The following OXCT1 variants were observed in gnomAD, a reference collection of about 807,000 sequenced individuals.
OXCT1 encodes the protein 3-oxoacid CoA-transferase 1.
OXCT1 carries 27 observed loss-of-function variants against 69.6 expected under a neutral mutation model. The ratio of observed to expected loss-of-function variants is 0.39; its 90% CI spans 0.29 to 0.54. The LOEUF (loss-of-function observed/expected upper bound fraction) is 0.54, where lower values mean the gene tolerates loss of function less well. OXCT1 is among the 20% of genes least tolerant of loss of function. The probability of loss-of-function intolerance (pLI) is 0.72; values close to 1 mark genes in which losing one functional copy is unlikely to be tolerated. For missense variants in OXCT1, 437 were observed against 650.2 expected (o/e 0.67, Z 3.57); for synonymous variants, 202 against 217.8 (o/e 0.93, Z 0.64).
chr5:41,820,821 T>C (rs988720516), intron 7 of OXCT1, among the ~76,000 whole-genome samples: 17 of 152,138 alleles, frequency 1.1e-4, no homozygotes, highest in African/African-American at 3.9e-4. Flanking sequence ...TCCTTCACAA[T>C]TGACCTTACT....
chr5:41,791,016 G>T (rs1745890347), intron 13 of OXCT1, among the ~76,000 whole-genome samples: 1 of 152,252 alleles, frequency 6.6e-6, no homozygotes, highest in African/African-American at 2.4e-5. Context: ...TTTAGAGAGT[G>T]CTTGCAGTGT....
chr5:41,737,452 AC>A (rs1742941040), intron 16 of OXCT1, among the ~76,000 whole-genome samples: 1 of 152,124 alleles, frequency 6.6e-6, no homozygotes. Context: ...GCAAAAAAAA[AC>A]TGAACATTCT....
chr5:41,854,436 T>C (rs1269604336), intron 3 of OXCT1, among the ~76,000 whole-genome samples: 1 of 152,188 alleles, frequency 6.6e-6, no homozygotes, highest in Non-Finnish European at 1.5e-5. Context: ...TGTAACAAGA[T>C]AGATAACTGA....
chr5:41,750,135 G>GTTCTTTTTTTTTTTTTTT (rs1743698897), intron 14 of OXCT1, among the ~76,000 whole-genome samples: 1 of 73,924 alleles, frequency 1.4e-5, no homozygotes, highest in African/African-American at 5.4e-5. Flanking sequence ...GTGTTTTTTG[G>GTTCTTTTTTTTTTTTTTT]TTTTTTTTTT....
intron 3 of OXCT1, among the ~76,000 whole-genome samples, chr5:41,859,185 G>T (rs1749603201): frequency 6.6e-6 from 1 of 152,118 alleles, no homozygotes; most frequent in African/African-American, 2.4e-5. Flanking sequence ...TGCAGTCTTT[G>T]CTGTGCTTGT....
chr5:41,803,034 A>T, intron 10 of OXCT1, 35 bp downstream of exon 10: 1 of 1,406,940 alleles, frequency 7.1e-7, no homozygotes, highest in Non-Finnish European at 1.0e-6. Flanking sequence ...ATTCTTCATT[A>T]AGACTGGATT....
At chr5:41,795,747 C>T (rs912134945) in intron 11 of OXCT1, among the ~76,000 whole-genome samples, 1 of 152,014 alleles carries the variant, frequency 6.6e-6, no homozygotes, top group Non-Finnish European at 1.5e-5. Context: ...AAAAAGGTAA[C>T]TCTGAGGTGA....
At chr5:41,737,852 G>A (rs532636900) in intron 16 of OXCT1, among the ~76,000 whole-genome samples, 2 of 152,266 alleles carry the variant, frequency 1.3e-5, no homozygotes, top group South Asian at 4.1e-4. Flanking sequence ...TCAGGAGATC[G>A]AGACCATCCT....
At chr5:41,822,748 C>G (rs1398569308) in intron 7 of OXCT1, among the ~76,000 whole-genome samples, 2 of 152,180 alleles carry the variant, frequency 1.3e-5, no homozygotes, top group African/African-American at 2.4e-5. Context: ...CAGGTCTGAG[C>G]CACCGTGCCC....
At chr5:41,811,329 T>C (rs572932543) in intron 7 of OXCT1, among the ~76,000 whole-genome samples, 1 of 152,142 alleles carries the variant, frequency 6.6e-6, no homozygotes, top group South Asian at 2.1e-4. Context: ...GCATAAAGAA[T>C]AGATAAATAT....
At chr5:41,742,094 G>T (rs927294317) in intron 15 of OXCT1, among the ~76,000 whole-genome samples, 3 of 151,914 alleles carry the variant, frequency 2.0e-5, no homozygotes, top group Non-Finnish European at 2.9e-5. Context: ...AGATAACTGT[G>T]GTATCAAAAA....
rs141543993 is a variant in OXCT1, at chr5:41,755,410, T to C, written c.1339-5803A>G. ...AGAACCTGGCTACTGTATATTCTAA[T>C]TGAAGCTAGGAAAGAATTATACGCT... is the stretch of plus-strand genomic sequence containing the variant. On this transcript the variant is annotated intron_variant, in intron 14 of 16. Transcript: ENST00000196371. Among the ~76,000 whole-genome samples, 296 of 152,174 alleles carry C rather than the reference T, an allele frequency of 1.9e-3. 2 individuals carry two copies. Among genetic ancestry groups the C allele is most frequent in the African/African-American group, 6.4e-3 (267 of 41,556 alleles).
At chr5:41,823,141 C>A (rs1233543933) in intron 7 of OXCT1, among the ~76,000 whole-genome samples, 1 of 152,234 alleles carries the variant, frequency 6.6e-6, no homozygotes, top group African/African-American at 2.4e-5. Flanking sequence ...CACTATATCA[C>A]TTCACAGGTA....
At chr5:41,861,757 G>T (rs1369443790) in intron 2 of OXCT1, among the ~76,000 whole-genome samples, 1 of 152,144 alleles carries the variant, frequency 6.6e-6, no homozygotes, top group Non-Finnish European at 1.5e-5. Flanking sequence ...TAATATGTCT[G>T]AGTAGATTTT....
intron 15 of OXCT1, among the ~76,000 whole-genome samples, chr5:41,743,051 C>T (rs1743260780): frequency 6.6e-6 from 1 of 152,160 alleles, no homozygotes; most frequent in Non-Finnish European, 1.5e-5. Context: ...GAGGAATCAC[C>T]ACACTGTCTT....
intron 5 of OXCT1, among the ~76,000 whole-genome samples, chr5:41,847,387 T>C (rs1345947570): frequency 6.6e-6 from 1 of 152,054 alleles, no homozygotes; most frequent in Admixed American, 6.5e-5. Flanking sequence ...CTTAAACTAT[T>C]CCAATCAATA....
chr5:41,846,855 T>G (rs1306569528), intron 5 of OXCT1, among the ~76,000 whole-genome samples: 2 of 152,210 alleles, frequency 1.3e-5, no homozygotes, highest in Non-Finnish European at 2.9e-5. Flanking sequence ...CTCATTGTGG[T>G]TTTGATTTGC....
At chr5:41,862,993 C>T (rs1323742356) in intron 1 of OXCT1, among the ~76,000 whole-genome samples, 1 of 151,936 alleles carries the variant, frequency 6.6e-6, no homozygotes, top group East Asian at 1.9e-4. Flanking sequence ...CCACAGTTTC[C>T]CTTTCTGAGG....
intron 1 of OXCT1, among the ~76,000 whole-genome samples, chr5:41,869,011 C>A (rs1750143811): frequency 6.6e-6 from 1 of 152,188 alleles, no homozygotes; most frequent in Non-Finnish European, 1.5e-5. Flanking sequence ...CTGACCTCGG[C>A]CCAAGGGTAT....
Sources: gnomAD v4.1 joint callset for allele counts (sites outside exome capture counted in the v4.1 genomes callset) on GRCh38, gnomAD v4.1.1 for gene constraint, MANE v1.5 for transcripts, NCBI Gene and HGNC (gene_info 2026-07-23, HGNC 2026-07-21) for gene names.